Variants in PTPA observed in about 807,000 individuals in gnomAD.
The protein encoded by PTPA is serine/threonine-protein phosphatase 2A activator.
A neutral mutation model predicts 43.6 loss-of-function variants in PTPA; 13 were observed. That is an observed-to-expected ratio of 0.30 (90% CI 0.19 to 0.47). The LOEUF is 0.47. Ranked by LOEUF, PTPA falls within the 20% of genes least tolerant of loss-of-function variation. The pLI, the probability that PTPA is intolerant of heterozygous loss-of-function variation, is 0.99. For synonymous variants in PTPA, 172 were observed against 158.2 expected, an observed-to-expected ratio of 1.09 and a Z score of -0.66; for missense variants, 329 against 411.9, an observed-to-expected ratio of 0.80 and a Z score of 1.74.
intron 3 of PTPA, among the ~76,000 whole-genome samples, chr9:129,123,611 G>A: frequency 6.6e-6 from 1 of 152,054 alleles, no homozygotes; most frequent in South Asian, 2.1e-4. Context: ...TGAATAGATG[G>A]ATATTTATAA....
chr9:129,126,967 C>G lies in PTPA; in HGVS notation c.217-2018C>G, dbSNP rs537340322. ...AGATCCCTGGGGAATCTGGGGCTGACTAGTGCTTCCTGGGGCCAAGATGAC... is the reference window on the plus strand; with the variant it reads ...AGATCCCTGGGGAATCTGGGGCTGAGTAGTGCTTCCTGGGGCCAAGATGAC... On this transcript the variant is annotated intron_variant, in intron 3 of 9. Transcript: ENST00000393370. Among the ~76,000 whole-genome samples the G allele has an allele frequency of 1.1e-4, 17 of 152,272 alleles. 2 individuals carry two copies. In the South Asian group the frequency reaches 3.5e-3, roughly 32 times the overall value.
In PTPA at chr9:129,143,296, C is replaced by T; in HGVS notation, c.894+744C>T. Reference sequence around the variant, plus strand: ...GAAGACTAATTCTAGAACTGCTTGACCTTGGCCAGGGAAGGGCTGGATGTG... The same window carrying T: ...GAAGACTAATTCTAGAACTGCTTGATCTTGGCCAGGGAAGGGCTGGATGTG... On this transcript the variant is annotated intron_variant, in intron 9 of 9. Coordinates refer to ENST00000393370, the MANE Select transcript of PTPA (RefSeq NM_178000.3). 3 of 702,994 alleles carry T rather than the reference C, an allele frequency of 4.3e-6. No homozygotes were observed. In the South Asian group the frequency reaches 4.4e-5, roughly 10 times the overall value. The allele number at this position is 702,994 out of a possible 1,614,324, so 43.5% of individuals were successfully genotyped here.
intron 4 of PTPA, 101 bp from the exon 5 acceptor site, chr9:129,131,421 C>A: frequency 3.0e-6 from 3 of 999,810 alleles, no homozygotes; most frequent in Non-Finnish European, 4.7e-6. Flanking sequence ...GCTGGCCTGG[C>A]AAGGCAGTGT....
At chr9:129,141,892 C>T (rs944087994) in intron 8 of PTPA, 1 of 150,700 alleles carries the variant, frequency 6.6e-6, no homozygotes, top group African/African-American at 2.4e-5. Flanking sequence ...ACCCTTTCCT[C>T]ATCTCTTCTA....
chr9:129,141,271 G>T (rs955507724), intron 8 of PTPA, among the ~76,000 whole-genome samples: 1 of 152,174 alleles, frequency 6.6e-6, no homozygotes, highest in Non-Finnish European at 1.5e-5. Flanking sequence ...GCTCCTGAGG[G>T]CTCTTGTGGT....
chr9:129,112,034 G>A (rs1014012336), intron 1 of PTPA: 2 of 192,262 alleles, frequency 1.0e-5, no homozygotes, highest in African/African-American at 4.6e-5. Context: ...ATTAGTCGCT[G>A]CTTAGGGGAT....
chr9:129,131,677 T>C (rs1187101144), intron 5 of PTPA, 38 bp downstream of exon 5: 1 of 1,582,522 alleles, frequency 6.3e-7, no homozygotes, highest in East Asian at 2.2e-5. Context: ...TTATCTAGCT[T>C]CACTGCTTTC....
rs1043353283 is a variant in PTPA, at chr9:129,131,659, C to T, written c.460+20C>T. 1 of 1,604,040 alleles carries T rather than the reference C, an allele frequency of 6.2e-7. No individual in the cohort carries two copies. The highest frequency in any genetic ancestry group is 8.5e-7 in the Non-Finnish European group (1 of 1,170,980). The stretch of plus-strand genomic sequence containing the variant: ...GCACAGGTATCTGCTGCTTGTGGGG[C>T]TCTGTACTTATCTAGCTTCACTGCT... On this transcript the variant is annotated intron_variant, in intron 5 of 9. Transcript: ENST00000393370.
At chr9:129,142,205 C>T (rs1217489990) in intron 8 of PTPA, 1 of 419,136 alleles carries the variant, frequency 2.4e-6, no homozygotes, top group South Asian at 7.4e-5. Flanking sequence ...GTTATATTTT[C>T]CTAGCAGGCC....
At chr9:129,124,128 C>T (rs1849427902) in intron 3 of PTPA, among the ~76,000 whole-genome samples, 1 of 152,198 alleles carries the variant, frequency 6.6e-6, no homozygotes, top group Non-Finnish European at 1.5e-5. Flanking sequence ...CAGGGCAGCC[C>T]CTCCTGACAG....
chr9:129,138,401 A>G (rs1447090476), intron 8 of PTPA, among the ~76,000 whole-genome samples: 2 of 152,172 alleles, frequency 1.3e-5, no homozygotes, highest in African/African-American at 4.8e-5. Context: ...CTTAGGGGAC[A>G]AGAGCCAGGA....
In PTPA at chr9:129,136,463, C is replaced by G. The variant is rs753161884; in HGVS notation, c.561-8C>G. The G allele has an allele frequency of 1.2e-6, 2 of 1,609,748 alleles. No individual in the cohort carries two copies. Among genetic ancestry groups the G allele is most frequent in the South Asian group, 2.2e-5 (2 of 90,508 alleles). On this transcript the variant is annotated splice_polypyrimidine_tract_variant and splice_region_variant and intron_variant, in intron 6 of 9. Transcript: ENST00000393370. ...TGCTACCTTCCCTTTCCCTGTCCTC[C>G]TGTGCAGGTACCTTGAGGTTATGCG... is the stretch of plus-strand genomic sequence containing the variant.
rs199562865 is a variant in PTPA, at chr9:129,142,275, C to T, written c.787-170C>T. On this transcript the variant is annotated intron_variant, in intron 8 of 9. Coordinates refer to ENST00000393370, the MANE Select transcript of PTPA (RefSeq NM_178000.3). ...TGCATGTGCCTGTTTGTATGTTTGC[C>T]CCTCAGGCAGATGCTATAGCTTGGT... The T allele has an allele frequency of 2.9e-4, 158 of 538,724 alleles. 1 individual carries two copies. The East Asian group carries it at 4.3e-3, about 15-fold the overall frequency. 33.4% of individuals were successfully genotyped at this position (538,724 alleles called of 1,614,324 possible).
At chr9:129,142,999 T>G (rs759884392) in intron 9 of PTPA, 3 of 1,244,928 alleles carry the variant, frequency 2.4e-6, no homozygotes, top group Admixed American at 2.9e-5. Context: ...CACTGAGTGG[T>G]GGGAGGTCTG....
At chr9:129,143,077 C>A in intron 9 of PTPA, 1 of 711,688 alleles carries the variant, frequency 1.4e-6, no homozygotes, top group Non-Finnish European at 2.3e-6. Flanking sequence ...GTTTTCCCTG[C>A]TCTCAAATCA....
At chr9:129,133,562 C>A (rs1850132831) in intron 5 of PTPA, among the ~76,000 whole-genome samples, 1 of 152,210 alleles carries the variant, frequency 6.6e-6, no homozygotes, top group Non-Finnish European at 1.5e-5. Context: ...TTTTGTGTGA[C>A]ATTGTGAACA....
chr9:129,129,764 C>T lies in PTPA; in HGVS notation c.342+654C>T, dbSNP rs188204387. Among the ~76,000 whole-genome samples, 128 of 152,218 alleles carry T rather than the reference C, an allele frequency of 8.4e-4. 1 individual carries two copies. Among genetic ancestry groups the T allele is most frequent in the African/African-American group, 2.8e-3 (118 of 41,524 alleles). On this transcript the variant is annotated intron_variant, in intron 4 of 9. Coordinates refer to ENST00000393370, the MANE Select transcript of PTPA (RefSeq NM_178000.3). ...GATTACAGGTGTGAGCCACCACGCTCGGCCCCAAAAAGGAATTTTTTTCAT... is the reference window on the plus strand; with the variant it reads ...GATTACAGGTGTGAGCCACCACGCTTGGCCCCAAAAAGGAATTTTTTTCAT...
chr9:129,121,282 G>C (rs1849233253), intron 2 of PTPA, among the ~76,000 whole-genome samples: 1 of 152,310 alleles, frequency 6.6e-6, no homozygotes, highest in Admixed American at 6.5e-5. Flanking sequence ...CAGAAGGCTG[G>C]GCACAGGGGT....
At chr9:129,123,192 C>T in intron 3 of PTPA, 54 bp downstream of exon 3, 1 of 1,478,772 alleles carries the variant, frequency 6.8e-7, no homozygotes, top group Non-Finnish European at 9.4e-7. Context: ...GCTCCAGAGT[C>T]ACTGGGTGCG....
Sources: allele counts gnomAD v4.1 joint callset (sites outside exome capture counted in the v4.1 genomes callset), GRCh38; gene constraint gnomAD v4.1.1; transcripts MANE v1.5; gene names NCBI Gene and HGNC (gene_info 2026-07-23, HGNC 2026-07-21).